The following LRPPRC variants were observed in gnomAD, a reference collection of about 807,000 sequenced individuals.
LRPPRC encodes the protein leucine rich pentatricopeptide repeat containing.
Under a neutral mutation model 180.3 loss-of-function variants are expected in LRPPRC, and 120 were observed. That is an observed-to-expected ratio of 0.67 (90% CI 0.57 to 0.77). The LOEUF is 0.77. Ranked by LOEUF, LRPPRC falls within the 30% of genes least tolerant of loss-of-function variation. LRPPRC has a pLI of 0.00. For missense variants in LRPPRC, 2,012 were observed against 1,657.2 expected, an observed-to-expected ratio of 1.21 and a Z score of -3.72; for synonymous variants, 723 against 600.0, an observed-to-expected ratio of 1.21 and a Z score of -3.00.
intron 19 of LRPPRC, 24 bp downstream of exon 19, chr2:43,947,707 G>C (rs369691512): frequency 7.3e-6 from 10 of 1,378,448 alleles, no homozygotes; most frequent in Non-Finnish European, 1.0e-5. Flanking sequence ...ATAGCATGTA[G>C]AATCTAGTCA....
intron 25 of LRPPRC, 52 bp from the exon 26 acceptor site, chr2:43,926,013 T>C: frequency 9.3e-7 from 1 of 1,072,872 alleles, no homozygotes; most frequent in Admixed American, 1.7e-5. Context: ...CGGCTGAATA[T>C]TATTTTTTTC....
chr2:43,948,585 T>C (rs1672784262), intron 16 of LRPPRC, 67 bp from the exon 17 acceptor site: 3 of 847,600 alleles, frequency 3.5e-6, no homozygotes, highest in Non-Finnish European at 6.2e-6. Flanking sequence ...TCAAGATTAA[T>C]TTATAAGAAA....
chr2:43,956,793 G>C (rs550929103), intron 14 of LRPPRC, among the ~76,000 whole-genome samples: 7 of 152,196 alleles, frequency 4.6e-5, no homozygotes, highest in African/African-American at 1.7e-4. Flanking sequence ...AGCAGGCTGA[G>C]GCAGGAAAAT....
At chr2:43,963,508 T>A in intron 12 of LRPPRC, 80 bp downstream of exon 12, 1 of 937,492 alleles carries the variant, frequency 1.1e-6, no homozygotes, top group Non-Finnish European at 1.8e-6. Flanking sequence ...GTTCAATGAC[T>A]TTTTTGTGTG....
chr2:43,973,145 TA>T (rs1673891916), intron 11 of LRPPRC, among the ~76,000 whole-genome samples: 1 of 152,224 alleles, frequency 6.6e-6, no homozygotes, highest in African/African-American at 2.4e-5. Flanking sequence ...CATTTCACAA[TA>T]AAAGTTTTCC....
chr2:43,978,812 C>T (rs4129191), intron 3 of LRPPRC, among the ~76,000 whole-genome samples: 84,928 of 151,778 alleles, frequency 0.56, 24,825 homozygotes, highest in African/African-American at 0.62. Context: ...TTTTATTTAT[C>T]TGTAGCTATA....
chr2:43,886,378 T>G lies in LRPPRC; in HGVS notation c.*2222A>C, dbSNP rs1670271327. On this transcript the variant is annotated 3_prime_UTR_variant, in exon 38 of 38. Transcript: ENST00000260665. ...GCTGCTTATAATTTGAGTGTAAATGTATTACAGAAAGCTGCTAAATTGTTT... is the reference window on the plus strand; with the variant it reads ...GCTGCTTATAATTTGAGTGTAAATGGATTACAGAAAGCTGCTAAATTGTTT... The G allele has an allele frequency of 6.6e-6, 1 of 152,222 alleles. No homozygotes were observed. Among genetic ancestry groups the G allele is most frequent in the African/African-American group, 2.4e-5 (1 of 41,468 alleles). 9.4% of individuals were successfully genotyped at this position (152,222 alleles called of 1,614,324 possible).
At position 43,946,017 on chromosome 2, in the gene LRPPRC, C is replaced by T. The variant is rs1329349604; in HGVS notation, c.2210+96G>A. 7 of 1,272,506 alleles carry T rather than the reference C, an allele frequency of 5.5e-6. No individual in the cohort carries two copies. In the African/African-American group the frequency reaches 7.4e-5, roughly 13 times the overall value. 78.8% of individuals were successfully genotyped at this position (1,272,506 alleles called of 1,614,324 possible). On this transcript the variant is annotated intron_variant, in intron 21 of 37. Coordinates refer to ENST00000260665, the MANE Select transcript of LRPPRC (RefSeq NM_133259.4). ...ACAACAAAAGAATTTTTAAAAATGA[C>T]ATTATATAAGAGAGTAATATTCCAT...
Position 43,934,728 on chromosome 2 carries a change from C to T in LRPPRC, c.2629+26G>A, listed in dbSNP as rs1232550444. On this transcript the variant is annotated intron_variant, in intron 24 of 37. Coordinates refer to ENST00000260665, the MANE Select transcript of LRPPRC (RefSeq NM_133259.4). ...TCAGCAAGAAGGGAAAAAAAAACTA[C>T]ATTAAGATACTAGAAAGTGACTCAC... is the stretch of plus-strand genomic sequence containing the variant. The T allele has an allele frequency of 4.4e-6, 7 of 1,608,770 alleles. 1 individual carries two copies. In the East Asian group the frequency reaches 6.7e-5, roughly 15 times the overall value.
At chr2:43,896,245 T>TTTTTTA in intron 35 of LRPPRC, 1 of 122,234 alleles carries the variant, frequency 8.2e-6, no homozygotes, top group Non-Finnish European at 1.6e-5. Flanking sequence ...TTTTTTTTTG[T>TTTTTTA]AAAGACCAGG....
At chr2:43,915,608 TG>T (rs1373160900) in intron 29 of LRPPRC, among the ~76,000 whole-genome samples, 2 of 152,034 alleles carry the variant, frequency 1.3e-5, no homozygotes, top group Non-Finnish European at 2.9e-5. Context: ...CACTTGAACC[TG>T]GGAAGTGGAG....
intron 1 of LRPPRC, among the ~76,000 whole-genome samples, chr2:43,984,833 G>T (rs1411576743): frequency 6.6e-6 from 1 of 152,102 alleles, no homozygotes; most frequent in East Asian, 1.9e-4. Flanking sequence ...GGAAATTATT[G>T]TATCATCTCA....
At chr2:43,958,895 G>C (rs894036354) in intron 13 of LRPPRC, 1 of 265,220 alleles carries the variant, frequency 3.8e-6, no homozygotes, top group Admixed American at 5.3e-5. Context: ...TCAAATACTT[G>C]GCAAACTTCT....
Position 43,888,191 on chromosome 2 carries a change from G to C in LRPPRC, c.*409C>G, listed in dbSNP as rs187382374. 3.0e-4 allele frequency: 68 copies of C among 230,040 alleles called. No homozygotes were observed. In the East Asian group the frequency reaches 7.6e-3, roughly 26 times the overall value. 14.2% of individuals were successfully genotyped at this position (230,040 alleles called of 1,614,324 possible). A position where few individuals can be genotyped will look rare whatever the true frequency, so the allele number is the denominator to read the frequency against. On this transcript the variant is annotated 3_prime_UTR_variant, in exon 38 of 38. Transcript: ENST00000260665. ...ACATGTACGGAATGGCTGTATCACA[G>C]AATATTATGCGTTAGAAAGTTCACG... is the stretch of plus-strand genomic sequence containing the variant.
At chr2:43,930,229 G>C (rs1029834910) in intron 25 of LRPPRC, among the ~76,000 whole-genome samples, 4 of 152,090 alleles carry the variant, frequency 2.6e-5, no homozygotes, top group African/African-American at 9.7e-5. Flanking sequence ...CAAAACAGCA[G>C]ATAGGGAGAG....
intron 1 of LRPPRC, among the ~76,000 whole-genome samples, chr2:43,993,225 A>G (rs534133137): frequency 1.3e-5 from 2 of 152,326 alleles, no homozygotes; most frequent in Admixed American, 6.5e-5. Flanking sequence ...TTACACATAC[A>G]TAAGTCATTA....
In LRPPRC at chr2:43,960,641, A is replaced by G; in HGVS notation, c.1489-7T>C. The G allele has an allele frequency of 7.4e-7, 1 of 1,345,008 alleles. No individual in the cohort carries two copies. The highest frequency in any genetic ancestry group is 1.1e-6 in the Non-Finnish European group (1 of 937,398). 83.3% of individuals were successfully genotyped at this position (1,345,008 alleles called of 1,614,324 possible). Reference sequence around the variant, plus strand: ...CAGACAGACATCCATTTTCCTGGAGATAAAGCATATATCAATGAGAATACA... The same window carrying G: ...CAGACAGACATCCATTTTCCTGGAGGTAAAGCATATATCAATGAGAATACA... On this transcript the variant is annotated splice_region_variant and splice_polypyrimidine_tract_variant and intron_variant, in intron 12 of 37. Coordinates refer to ENST00000260665, the MANE Select transcript of LRPPRC (RefSeq NM_133259.4).
At chr2:43,951,416 G>A (rs1029109283) in intron 14 of LRPPRC, among the ~76,000 whole-genome samples, 1 of 152,304 alleles carries the variant, frequency 6.6e-6, no homozygotes, top group Non-Finnish European at 1.5e-5. Context: ...AGGGGCTAAT[G>A]TGCCAAAGTG....
chr2:43,894,118 AGCAG>A (rs1443138975), intron 36 of LRPPRC, among the ~76,000 whole-genome samples: 1 of 152,188 alleles, frequency 6.6e-6, no homozygotes, highest in Admixed American at 6.5e-5. Context: ...TCAAAGGAGT[AGCAG>A]GCAAGCAGAG....
Sources: allele counts gnomAD v4.1 joint callset (sites outside exome capture counted in the v4.1 genomes callset), GRCh38; gene constraint gnomAD v4.1.1; transcripts MANE v1.5; gene names NCBI Gene and HGNC (gene_info 2026-07-23, HGNC 2026-07-21).